The following RNF10 variants were observed in gnomAD, a reference collection of about 807,000 sequenced individuals.
The protein encoded by RNF10 is E3 ubiquitin-protein ligase RNF10.
In RNF10, 38 loss-of-function variants were observed where a neutral mutation model predicts 91.4. The observed-to-expected ratio is 0.42, with a 90% CI of 0.32 to 0.54. The LOEUF (loss-of-function observed/expected upper bound fraction) is 0.54. Ranked by LOEUF, RNF10 falls within the 20% of genes least tolerant of loss-of-function variation. The pLI, the probability that RNF10 is intolerant of heterozygous loss-of-function variation, is 0.16. For missense variants in RNF10, 945 were observed against 1,012.0 expected (o/e 0.93, Z 0.90); for synonymous variants, 364 against 366.3 (o/e 0.99, Z 0.07).
intron 2 of RNF10, among the ~76,000 whole-genome samples, chr12:120,548,742 C>G (rs556931725): frequency 6.6e-6 from 1 of 151,490 alleles, no homozygotes. Flanking sequence ...TCACTGCAAC[C>G]TCCGCTCTTG....
Position 120,577,147 on chromosome 12 carries a change from G to T in RNF10, c.*481G>T. The T allele has an allele frequency of 2.2e-6, 1 of 446,298 alleles. No homozygotes were observed. Among genetic ancestry groups the T allele is most frequent in the East Asian group, 7.0e-5 (1 of 14,304 alleles). 27.6% of individuals were successfully genotyped at this position (446,298 alleles called of 1,614,324 possible). On this transcript the variant is annotated 3_prime_UTR_variant, in exon 17 of 17. Transcript: ENST00000325954. Reference sequence around the variant, plus strand: ...CTCCTTGTTAAAGAAACAGGGGTGGGAATAAAATGGATTTAGGACACCCAG... The same window carrying T: ...CTCCTTGTTAAAGAAACAGGGGTGGTAATAAAATGGATTTAGGACACCCAG...
Position 120,554,746 on chromosome 12 carries a change from G to C in RNF10, c.583G>C (p.Asp195His), listed in dbSNP as rs1202301600. Residue 195 changes from aspartate to histidine, a missense_variant, in exon 4 of 17, where the codon GAC becomes CAC. Transcript: ENST00000325954. Reference sequence around the variant, plus strand: ...CCAATTTGTGGTGTCTGAAGACCAAGACTACACAGCTCATTTTGCTGATCC... The same window carrying C: ...CCAATTTGTGGTGTCTGAAGACCAACACTACACAGCTCATTTTGCTGATCC... ...NCQFVVSEDQDYTAHFADPDT... is the reference protein window; with the variant it reads ...NCQFVVSEDQHYTAHFADPDT... 1.9e-6 allele frequency: 3 copies of C among 1,613,870 alleles called. No homozygotes were observed. Among genetic ancestry groups the C allele is most frequent in the East Asian group, 2.2e-5 (1 of 44,860 alleles).
At chr12:120,574,804 T>G (rs545781814) in intron 14 of RNF10, 23 of 253,368 alleles carry the variant, frequency 9.1e-5, no homozygotes, top group African/African-American at 5.0e-4. Flanking sequence ...TGCATGCCTA[T>G]AATCCCAGCT....
At chr12:120,547,636 T>C (rs1451334993) in intron 2 of RNF10, among the ~76,000 whole-genome samples, 2 of 152,144 alleles carry the variant, frequency 1.3e-5, no homozygotes, top group East Asian at 3.9e-4. Flanking sequence ...CCTGAAGGAA[T>C]AGCACATGCA....
chr12:120,542,375 A>G (rs568207597), intron 1 of RNF10, among the ~76,000 whole-genome samples: 1 of 152,258 alleles, frequency 6.6e-6, no homozygotes, highest in South Asian at 2.1e-4. Context: ...GCTGGTCGCA[A>G]ACTCGTGGAC....
chr12:120,572,852 C>T (rs1876848864), intron 14 of RNF10, among the ~76,000 whole-genome samples: 1 of 150,600 alleles, frequency 6.6e-6, no homozygotes, highest in African/African-American at 2.4e-5. Context: ...CCACCTGCCT[C>T]AGCCTCCCAA....
chr12:120,565,384 ATGTTGTCCTGGGTCT>A, intron 11 of RNF10, 29 bp from the exon 12 acceptor site: 2 of 1,568,184 alleles, frequency 1.3e-6, no homozygotes, highest in Non-Finnish European at 1.8e-6. Flanking sequence ...GGTAATGACC[ATGTTGTCCTGGGTCT>A]ACCTCTTTAC....
chr12:120,571,816 A>T (rs1876672038), intron 14 of RNF10, among the ~76,000 whole-genome samples: 1 of 152,074 alleles, frequency 6.6e-6, no homozygotes, highest in Non-Finnish European at 1.5e-5. Flanking sequence ...CTTCACTTTG[A>T]GAGGGGAAGA....
Position 120,557,552 on chromosome 12 carries a change from T to G in RNF10, c.837T>G (p.Val279=). 6.2e-7 allele frequency: 1 copy of G among 1,614,226 alleles called. No individual in the cohort carries two copies. The highest frequency in any genetic ancestry group is 8.5e-7 in the Non-Finnish European group (1 of 1,180,032). ...ATGAGTGTCCATGTTTCAGTGTTGTTGCCACAGAGTCACATCAGTATGTTG... is the reference window on the plus strand; with the variant it reads ...ATGAGTGTCCATGTTTCAGTGTTGTGGCCACAGAGTCACATCAGTATGTTG... ...SVHKKDLKSV[V]ATESHQYVVG... The change falls in exon 6 of 17, where the codon GTT becomes GTG. Residue 279 remains valine (V), a synonymous_variant. Transcript: ENST00000325954.
At chr12:120,557,781 A>G (rs1270649972) in intron 6 of RNF10, 99 bp downstream of exon 6, 2 of 1,319,600 alleles carry the variant, frequency 1.5e-6, no homozygotes, top group Non-Finnish European at 2.1e-6. Context: ...TGGGCAGGGC[A>G]CATCTGGCAT....
At chr12:120,548,007 G>C (rs1327500123) in intron 2 of RNF10, among the ~76,000 whole-genome samples, 1 of 152,174 alleles carries the variant, frequency 6.6e-6, no homozygotes, top group African/African-American at 2.4e-5. Flanking sequence ...CTTTTTGTTA[G>C]ATGTGGGGTC....
intron 4 of RNF10, among the ~76,000 whole-genome samples, chr12:120,556,550 A>G (rs1874049697): frequency 6.6e-6 from 1 of 150,706 alleles, no homozygotes; most frequent in African/African-American, 2.4e-5. Flanking sequence ...AAAAAAAAAA[A>G]AAAAAAAGCT....
At chr12:120,566,008 A>G (rs891857993) in intron 12 of RNF10, among the ~76,000 whole-genome samples, 3 of 152,242 alleles carry the variant, frequency 2.0e-5, no homozygotes, top group African/African-American at 7.2e-5. Context: ...GTTCTCCAAA[A>G]TAAGTTTCAT....
At chr12:120,542,735 T>G (rs774950456) in intron 1 of RNF10, among the ~76,000 whole-genome samples, 7 of 152,062 alleles carry the variant, frequency 4.6e-5, no homozygotes, top group Non-Finnish European at 1.0e-4. Flanking sequence ...GTATTTCTAG[T>G]AAAGATGGGG....
chr12:120,574,502 A>C, intron 14 of RNF10: 1 of 456,100 alleles, frequency 2.2e-6, no homozygotes, highest in Non-Finnish European at 4.4e-6. Context: ...TCTGAAAGTT[A>C]ATGATGAAGG....
At chr12:120,564,609 A>C (rs112788889) in intron 10 of RNF10, among the ~76,000 whole-genome samples, 198 of 152,336 alleles carry the variant, frequency 1.3e-3, no homozygotes, top group Non-Finnish European at 2.5e-3. Context: ...GTCTCAGAAA[A>C]AAAAAATTGG....
At chr12:120,560,953 A>G in intron 7 of RNF10, 67 bp downstream of exon 7, 2 of 1,514,492 alleles carry the variant, frequency 1.3e-6, no homozygotes, top group Non-Finnish European at 9.1e-7. Flanking sequence ...AAAACCAGAA[A>G]TGCTAAACCT....
At chr12:120,569,027 A>G (rs7970776) in intron 13 of RNF10, among the ~76,000 whole-genome samples, 4,735 of 151,406 alleles carry the variant, frequency 0.031, 240 homozygotes, top group African/African-American at 0.11. Flanking sequence ...CTGGAGTGCA[A>G]TAGTGCAATC....
At position 120,554,416 on chromosome 12, in the gene RNF10, T is replaced by G. The variant is rs139927970; in HGVS notation, c.555-302T>G. 2.7e-3 allele frequency: 808 copies of G among 304,478 alleles called. 11 individuals are homozygous for G. Among genetic ancestry groups the G allele is most frequent in the Admixed American group, 0.021 (425 of 20,162 alleles). 18.9% of individuals were successfully genotyped at this position (304,478 alleles called of 1,614,324 possible). A position where few individuals can be genotyped will look rare whatever the true frequency, so the allele number is the denominator to read the frequency against. On this transcript the variant is annotated intron_variant, in intron 3 of 16. Transcript: ENST00000325954. ...AAGGGGTGAGAGAGGAAATCTGGCTTACTGCTGTTTGATGGAGTCACGGTC... is the reference window on the plus strand; with the variant it reads ...AAGGGGTGAGAGAGGAAATCTGGCTGACTGCTGTTTGATGGAGTCACGGTC...
Sources: allele counts gnomAD v4.1 joint callset (sites outside exome capture counted in the v4.1 genomes callset), GRCh38; gene constraint gnomAD v4.1.1; transcripts MANE v1.5; gene names NCBI Gene and HGNC (gene_info 2026-07-23, HGNC 2026-07-21).